KCNH7: variants seen among roughly 807,000 people sequenced by gnomAD.
The protein encoded by KCNH7 is voltage-gated inwardly rectifying potassium channel KCNH7.
Under a neutral mutation model 120.8 loss-of-function variants are expected in KCNH7, and 49 were observed. The observed-to-expected ratio is 0.41, with a 90% CI of 0.32 to 0.51. The LOEUF (loss-of-function observed/expected upper bound fraction) is 0.51. Among genes scored for constraint, KCNH7 ranks in the 20% least tolerant of loss-of-function variants. The pLI is 0.38. For missense variants in KCNH7, 1,097 were observed against 1,446.6 expected (o/e 0.76, Z 3.92); for synonymous variants, 547 against 516.1 (o/e 1.06, Z -0.81).
intron 6 of KCNH7, among the ~76,000 whole-genome samples, chr2:162,455,712 A>C (rs535946681): frequency 1.3e-5 from 2 of 152,176 alleles, no homozygotes; most frequent in African/African-American, 4.8e-5. Context: ...TAGATTTTCT[A>C]GTTTATTTGC....
intron 2 of KCNH7, among the ~76,000 whole-genome samples, chr2:162,590,233 TC>T (rs1305515868): frequency 6.6e-6 from 1 of 151,964 alleles, no homozygotes; most frequent in Non-Finnish European, 1.5e-5. Flanking sequence ...TTTAGAAAGT[TC>T]CCAACCACAG....
chr2:162,415,603 T>C (rs1016616418), intron 9 of KCNH7, among the ~76,000 whole-genome samples: 30 of 152,194 alleles, frequency 2.0e-4, no homozygotes, highest in African/African-American at 7.0e-4. Context: ...TTTGCTTCAG[T>C]GATTGGTTAA....
At chr2:162,604,414 C>G (rs532949129) in intron 2 of KCNH7, among the ~76,000 whole-genome samples, 24 of 152,156 alleles carry the variant, frequency 1.6e-4, no homozygotes, top group Non-Finnish European at 2.1e-4. Flanking sequence ...TAGACTATTG[C>G]CATTCTACTT....
intron 2 of KCNH7, among the ~76,000 whole-genome samples, chr2:162,716,181 A>G (rs1687118760): frequency 6.6e-6 from 1 of 152,144 alleles, no homozygotes; most frequent in African/African-American, 2.4e-5. Context: ...CTTACTTACT[A>G]TCAAAAGAAA....
chr2:162,767,752 A>G (rs12692657), intron 2 of KCNH7, among the ~76,000 whole-genome samples: 42,544 of 152,000 alleles, frequency 0.28, 6,898 homozygotes, highest in African/African-American at 0.45. Flanking sequence ...AATACTTCAT[A>G]GTCTTTTTAA....
intron 2 of KCNH7, among the ~76,000 whole-genome samples, chr2:162,705,572 G>A (rs796187815): frequency 1.5e-4 from 23 of 152,226 alleles, no homozygotes; most frequent in African/African-American, 5.1e-4. Context: ...ATTCATTACA[G>A]TATAAATTAT....
intron 5 of KCNH7, among the ~76,000 whole-genome samples, chr2:162,506,404 G>C (rs1033446672): frequency 2.0e-5 from 3 of 151,658 alleles, no homozygotes; most frequent in African/African-American, 7.3e-5. Flanking sequence ...TTCTATAGTT[G>C]AGTTCTAGGT....
At chr2:162,487,655 C>A (rs1690147321) in intron 6 of KCNH7, among the ~76,000 whole-genome samples, 1 of 152,172 alleles carries the variant, frequency 6.6e-6, no homozygotes, top group African/African-American at 2.4e-5. Context: ...TATTATCTAA[C>A]TGCATATTTT....
chr2:162,764,875 A>T (rs1002497440), intron 2 of KCNH7, among the ~76,000 whole-genome samples: 1 of 151,060 alleles, frequency 6.6e-6, no homozygotes, highest in South Asian at 2.1e-4. Context: ...TAAATAGGCA[A>T]AGAGAGCTCA....
intron 2 of KCNH7, among the ~76,000 whole-genome samples, chr2:162,807,275 A>AAAC: frequency 6.9e-6 from 1 of 144,288 alleles, no homozygotes; most frequent in East Asian, 2.0e-4. Flanking sequence ...AAAAAAAAAA[A>AAAC]AAAAAAAACA....
chr2:162,416,171 A>G (rs1687536950), intron 9 of KCNH7, among the ~76,000 whole-genome samples: 1 of 152,020 alleles, frequency 6.6e-6, no homozygotes, highest in Non-Finnish European at 1.5e-5. Flanking sequence ...AGGGCGGATC[A>G]CAAGGTCAGG....
At chr2:162,831,278 C>G (rs929043993) in intron 2 of KCNH7, among the ~76,000 whole-genome samples, 7 of 152,110 alleles carry the variant, frequency 4.6e-5, no homozygotes, top group African/African-American at 1.2e-4. Context: ...AATAAGCCAT[C>G]AGCATAGGTG....
At chr2:162,642,907 G>C (rs540819393) in intron 2 of KCNH7, among the ~76,000 whole-genome samples, 1 of 152,324 alleles carries the variant, frequency 6.6e-6, no homozygotes, top group South Asian at 2.1e-4. Flanking sequence ...AGCTGAAACA[G>C]TTTAACCAGG....
At chr2:162,414,124 C>A (rs532405630) in intron 9 of KCNH7, among the ~76,000 whole-genome samples, 1 of 151,750 alleles carries the variant, frequency 6.6e-6, no homozygotes, top group African/African-American at 2.4e-5. Context: ...TAACACCCAG[C>A]GCTAGTAAAG....
chr2:162,623,325 G>T (rs914145338), intron 2 of KCNH7, among the ~76,000 whole-genome samples: 9 of 152,058 alleles, frequency 5.9e-5, no homozygotes, highest in African/African-American at 1.7e-4. Context: ...ATTGTAACTT[G>T]CCTTTTGTTG....
rs1480453647 is a variant in KCNH7 at position 162,493,793 on chromosome 2, A to G, written c.1128+10650T>C. Reference sequence around the variant, plus strand: ...TAAAATGCGTTTTTAGTAAAAGGTTATAAGAAGGCATGAGAATGTAAATTT... The same window carrying G: ...TAAAATGCGTTTTTAGTAAAAGGTTGTAAGAAGGCATGAGAATGTAAATTT... On this transcript the variant is annotated intron_variant, in intron 6 of 15. Coordinates refer to ENST00000332142, the MANE Select transcript of KCNH7 (RefSeq NM_033272.4). Among the ~76,000 whole-genome samples the G allele has an allele frequency of 2.0e-5, 3 of 152,220 alleles. No homozygotes were observed. The East Asian group carries it at 5.8e-4, about 29-fold the overall frequency.
At chr2:162,707,574 G>A (rs571432864) in intron 2 of KCNH7, among the ~76,000 whole-genome samples, 1 of 152,154 alleles carries the variant, frequency 6.6e-6, no homozygotes, top group Non-Finnish European at 1.5e-5. Context: ...AAAGAACAAA[G>A]GTGGTGTCTG....
At position 162,806,836 on chromosome 2, in the gene KCNH7, T is replaced by C. The variant is rs141821619; in HGVS notation, c.307+29701A>G. ...GTTTTTGTTTTTTTATTAGGTCAAA[T>C]GGAATTTTTTTTTAAAAAAAGATAA... On this transcript the variant is annotated intron_variant, in intron 2 of 15. Transcript: ENST00000332142. 4.1e-3 allele frequency among the ~76,000 whole-genome samples: 627 copies of C among 152,156 alleles called. 5 individuals are homozygous for C. Among genetic ancestry groups the C allele is most frequent in the African/African-American group, 0.014 (582 of 41,528 alleles).
chr2:162,584,907 T>TA (rs1693980365), intron 2 of KCNH7, among the ~76,000 whole-genome samples: 1 of 151,518 alleles, frequency 6.6e-6, no homozygotes. Flanking sequence ...CCAGCTTTTT[T>TA]TTTTTTTTTT....
Sources: allele counts gnomAD v4.1 joint callset (sites outside exome capture counted in the v4.1 genomes callset), GRCh38; gene constraint gnomAD v4.1.1; transcripts MANE v1.5; gene names NCBI Gene and HGNC (gene_info 2026-07-23, HGNC 2026-07-21).